Variants in PDE1C observed in about 807,000 individuals in gnomAD.
PDE1C encodes phosphodiesterase 1C.
PDE1C carries 62 observed loss-of-function variants against 93.1 expected under a neutral mutation model. That is an observed-to-expected ratio of 0.67 (90% CI 0.54 to 0.82). The LOEUF is 0.82. Among genes scored for constraint, PDE1C ranks in the 40% least tolerant of loss-of-function variants. The pLI, the probability that PDE1C is intolerant of heterozygous loss-of-function variation, is 0.00. For synonymous variants in PDE1C, 325 were observed against 310.1 expected, an observed-to-expected ratio of 1.05 and a Z score of -0.50; for missense variants, 742 against 884.6, an observed-to-expected ratio of 0.84 and a Z score of 2.04.
intron 1 of PDE1C, among the ~76,000 whole-genome samples, chr7:32,274,893 G>C (rs1811184702): frequency 6.6e-6 from 1 of 152,154 alleles, no homozygotes; most frequent in Non-Finnish European, 1.5e-5. Flanking sequence ...CATAAAACAA[G>C]GACATGCATA....
chr7:31,998,758 A>G (rs1180623373), intron 2 of PDE1C, among the ~76,000 whole-genome samples: 2 of 152,210 alleles, frequency 1.3e-5, no homozygotes, highest in African/African-American at 4.8e-5. Context: ...TAAATAATTA[A>G]CCAAAATTTA....
At chr7:31,886,881 G>GAATAGATCTTTTCA (rs1583793857) in intron 2 of PDE1C, among the ~76,000 whole-genome samples, 1 of 14,576 alleles carries the variant, frequency 6.9e-5, no homozygotes, top group South Asian at 2.7e-3. Context: ...GATCTATTCA[G>GAATAGATCTTTTCA]GGGCGTGTCA....
the PDE1C span, chr7:31,692,398 T>TTCC: frequency 8.9e-6 from 13 of 1,463,836 alleles, no homozygotes; most frequent in Non-Finnish European, 1.2e-5. Context: ...TTTTTTATAC[T>TTCC]TCCTTAGTGC....
chr7:32,218,560 T>C (rs889296224), intron 1 of PDE1C, among the ~76,000 whole-genome samples: 24 of 152,206 alleles, frequency 1.6e-4, no homozygotes, highest in African/African-American at 5.5e-4. Context: ...GAAAAACACA[T>C]ATCCTGTACT....
At chr7:31,689,057 G>A in the PDE1C span, among the ~76,000 whole-genome samples, 1 of 152,138 alleles carries the variant, frequency 6.6e-6, no homozygotes, top group African/African-American at 2.4e-5. Flanking sequence ...TGTGACTGCT[G>A]GTGCTCCTTG....
the PDE1C span, among the ~76,000 whole-genome samples, chr7:31,676,687 CTAA>C: frequency 6.6e-6 from 1 of 151,656 alleles, no homozygotes; most frequent in South Asian, 2.1e-4. Flanking sequence ...AAGGAAGGAA[CTAA>C]TAAGACAGAA....
At chr7:31,786,432 G>T in intron 16 of PDE1C, 1 of 152,188 alleles carries the variant, frequency 6.6e-6, no homozygotes, top group Middle Eastern at 3.4e-3. Flanking sequence ...GTGTGAGTAG[G>T]GTATGCCTGC....
At chr7:31,741,479 C>G in the PDE1C span, among the ~76,000 whole-genome samples, 2 of 152,264 alleles carry the variant, frequency 1.3e-5, no homozygotes, top group African/African-American at 4.8e-5. Flanking sequence ...TATAATCTCT[C>G]AAATTGTTAC....
At chr7:32,298,770 A>G in exon 1 of PDE1C, 1 of 1,560,026 alleles carries the variant, frequency 6.4e-7, no homozygotes, top group South Asian at 1.2e-5. Flanking sequence ...TCGCAGCGAG[A>G]CCAGCGGCGT....
chr7:31,669,654 A>G, the PDE1C span, among the ~76,000 whole-genome samples: 2 of 152,196 alleles, frequency 1.3e-5, no homozygotes, highest in East Asian at 3.9e-4. Context: ...AATAGAATTT[A>G]CATCAGACTC....
chr7:32,117,021 A>G (rs556292584), intron 3 of PDE1C, among the ~76,000 whole-genome samples: 5 of 152,184 alleles, frequency 3.3e-5, no homozygotes, highest in Admixed American at 6.5e-5. Flanking sequence ...CAACTACACA[A>G]GTGAAAAATC....
At chr7:31,738,274 T>C in the PDE1C span, among the ~76,000 whole-genome samples, 2 of 152,076 alleles carry the variant, frequency 1.3e-5, no homozygotes, top group Non-Finnish European at 2.9e-5. Context: ...GACTGGGTAA[T>C]TACAAAGGAA....
chr7:31,905,046 C>G (rs768965426), intron 2 of PDE1C, among the ~76,000 whole-genome samples: 1 of 152,042 alleles, frequency 6.6e-6, no homozygotes, highest in Non-Finnish European at 1.5e-5. Context: ...GGACCTTGGC[C>G]TCATACAGCT....
chr7:32,112,800 ATATATG>A (rs1475182035), intron 3 of PDE1C, among the ~76,000 whole-genome samples: 4 of 74,684 alleles, frequency 5.4e-5, no homozygotes, highest in Admixed American at 1.3e-4. Context: ...ATATATATAC[ATATATG>A]TGTGTGTGTG....
chr7:31,774,519 C>G (rs1584017701), intron 17 of PDE1C, among the ~76,000 whole-genome samples: 1 of 152,172 alleles, frequency 6.6e-6, no homozygotes, highest in Non-Finnish European at 1.5e-5. Context: ...AGCCAGCAAT[C>G]TTACTTAGTG....
chr7:32,242,941 AAG>A (rs1202877095), intron 1 of PDE1C, among the ~76,000 whole-genome samples: 1 of 152,168 alleles, frequency 6.6e-6, no homozygotes, highest in Non-Finnish European at 1.5e-5. Context: ...GAATAAGGAA[AAG>A]AGAGAGATTG....
intron 3 of PDE1C, among the ~76,000 whole-genome samples, chr7:32,162,017 C>T (rs938525944): frequency 6.6e-6 from 1 of 152,180 alleles, no homozygotes; most frequent in African/African-American, 2.4e-5. Flanking sequence ...GACAAGCCCA[C>T]TGGCTAGGAG....
At chr7:32,162,874 C>A (rs1303131565) in intron 3 of PDE1C, among the ~76,000 whole-genome samples, 2 of 151,990 alleles carry the variant, frequency 1.3e-5, no homozygotes, top group African/African-American at 4.8e-5. Flanking sequence ...AGAGGACCAA[C>A]AAGAATGCAA....
At chr7:32,298,455 G>T (rs1812767527) in intron 1 of PDE1C, among the ~76,000 whole-genome samples, 1 of 152,088 alleles carries the variant, frequency 6.6e-6, no homozygotes, top group South Asian at 2.1e-4. Context: ...CCCGCGAGGG[G>T]TGCCGGGGGG....
Sources: allele counts gnomAD v4.1 joint callset (sites outside exome capture counted in the v4.1 genomes callset), GRCh38; gene constraint gnomAD v4.1.1; transcripts MANE v1.5; gene names NCBI Gene and HGNC (gene_info 2026-07-23, HGNC 2026-07-21).